Variants in ARHGEF7 observed in about 807,000 individuals in gnomAD.
ARHGEF7 encodes Rho guanine nucleotide exchange factor 7, also known as PAK-interacting exchange factor beta.
A neutral mutation model predicts 109.8 loss-of-function variants in ARHGEF7; 33 were observed. That is an observed-to-expected ratio of 0.30 (90% CI 0.23 to 0.40). The LOEUF (loss-of-function observed/expected upper bound fraction) is 0.40. Ranked by LOEUF, ARHGEF7 falls within the 10% of genes least tolerant of loss-of-function variation. ARHGEF7 has a pLI of 1.00. For missense variants in ARHGEF7, 938 were observed against 1,098.5 expected, an observed-to-expected ratio of 0.85 and a Z score of 2.07; for synonymous variants, 458 against 424.6, an observed-to-expected ratio of 1.08 and a Z score of -0.97.
chr13:111,199,055 A>G (rs1182301924), intron 2 of ARHGEF7, among the ~76,000 whole-genome samples: 1 of 152,204 alleles, frequency 6.6e-6, no homozygotes, highest in African/African-American at 2.4e-5. Flanking sequence ...CTTTAGCTAG[A>G]CAGAAAAGTT....
intron 2 of ARHGEF7, among the ~76,000 whole-genome samples, chr13:111,183,572 C>A (rs1296440836): frequency 6.6e-6 from 1 of 152,140 alleles, no homozygotes; most frequent in Non-Finnish European, 1.5e-5. Context: ...TGCATAGCAT[C>A]AAATAGTGCA....
At chr13:111,128,157 G>C (rs1235208683) in intron 1 of ARHGEF7, among the ~76,000 whole-genome samples, 1 of 152,108 alleles carries the variant, frequency 6.6e-6, no homozygotes, top group Non-Finnish European at 1.5e-5. Flanking sequence ...AACAAGACAG[G>C]GGTGTTCACT....
At chr13:111,180,237 C>T (rs1172346969) in intron 2 of ARHGEF7, among the ~76,000 whole-genome samples, 2 of 152,180 alleles carry the variant, frequency 1.3e-5, no homozygotes, top group African/African-American at 2.4e-5. Flanking sequence ...GATTCTATAA[C>T]ATTTGTGAAC....
Position 111,206,147 on chromosome 13 carries a change from G to A in ARHGEF7, c.337+774G>A, listed in dbSNP as rs185483562. ...CACGGATGTTAAATATCAGGTTTGT[G>A]GGGGAAAGTGCCGTGTCCTTTTCAA... On this transcript the variant is annotated intron_variant, in intron 3 of 21. Transcript: ENST00000646102. 5.3e-3 allele frequency among the ~76,000 whole-genome samples: 801 copies of A among 151,840 alleles called. 9 individuals are homozygous for A. The highest frequency in any genetic ancestry group is 0.018 in the African/African-American group (765 of 41,384).
At chr13:111,159,109 A>T (rs1232679019) in intron 2 of ARHGEF7, 1 of 717,430 alleles carries the variant, frequency 1.4e-6, no homozygotes, top group South Asian at 1.5e-5. Flanking sequence ...GCTTTTTTAC[A>T]CTTTACATAT....
intron 2 of ARHGEF7, among the ~76,000 whole-genome samples, chr13:111,158,790 G>A (rs1225016165): frequency 1.3e-5 from 2 of 152,168 alleles, no homozygotes; most frequent in East Asian, 3.8e-4. Flanking sequence ...TTATGTTATG[G>A]TATATGAATG....
At chr13:111,284,921 T>G (rs2092956050) in intron 16 of ARHGEF7, among the ~76,000 whole-genome samples, 1 of 152,272 alleles carries the variant, frequency 6.6e-6, no homozygotes, top group Non-Finnish European at 1.5e-5. Context: ...CATCTCAATT[T>G]GCTTCGAATT....
At chr13:111,221,503 CTATATATATAGATATATATCTATATATA>C (rs1555372693) in intron 5 of ARHGEF7, among the ~76,000 whole-genome samples, 46 of 48,100 alleles carry the variant, frequency 9.6e-4, no homozygotes, top group African/African-American at 1.9e-3. Context: ...ATATATATAT[CTATATATATAGATATATATCTATATATA>C]TCTATATATA....
chr13:111,184,752 G>A (rs79025479), intron 2 of ARHGEF7, among the ~76,000 whole-genome samples: 15,931 of 152,188 alleles, frequency 0.1, 1,141 homozygotes, highest in Middle Eastern at 0.16. Context: ...GTGAATAAAA[G>A]CCCAGTTGAC....
intron 2 of ARHGEF7, chr13:111,202,997 A>G (rs2081366982): frequency 8.8e-7 from 1 of 1,130,892 alleles, no homozygotes; most frequent in Non-Finnish European, 1.1e-6. Context: ...GTTTCAGCCA[A>G]TCAGATGCTT....
At chr13:111,208,331 C>T (rs1342428495) in intron 3 of ARHGEF7, among the ~76,000 whole-genome samples, 2 of 152,198 alleles carry the variant, frequency 1.3e-5, no homozygotes, top group Non-Finnish European at 2.9e-5. Context: ...TGAGCCACTG[C>T]GCCTGGCCTC....
At chr13:111,248,599 C>T (rs1235577349) in intron 8 of ARHGEF7, among the ~76,000 whole-genome samples, 1 of 152,128 alleles carries the variant, frequency 6.6e-6, no homozygotes, top group Non-Finnish European at 1.5e-5. Flanking sequence ...CTGCTGTGTC[C>T]TAAGTGTTCA....
At chr13:111,191,839 C>T (rs919438660) in intron 2 of ARHGEF7, among the ~76,000 whole-genome samples, 20 of 152,068 alleles carry the variant, frequency 1.3e-4, no homozygotes, top group African/African-American at 4.8e-4. Context: ...AAATTGCTGT[C>T]AGAAGGAAGG....
chr13:111,126,605 C>T (rs957124255), intron 1 of ARHGEF7, among the ~76,000 whole-genome samples: 2 of 152,048 alleles, frequency 1.3e-5, no homozygotes, highest in Non-Finnish European at 2.9e-5. Context: ...TGATAAGAGA[C>T]TAGAATGGAA....
At chr13:111,205,266 G>C in intron 2 of ARHGEF7, 23 bp from the exon 3 acceptor site, 2 of 1,580,718 alleles carry the variant, frequency 1.3e-6, no homozygotes, top group East Asian at 2.3e-5. Flanking sequence ...TACTAATTTT[G>C]CTTGTTTAAT....
chr13:111,281,028 C>T (rs2092746722), intron 15 of ARHGEF7: 1 of 173,424 alleles, frequency 5.8e-6, no homozygotes, highest in African/African-American at 2.4e-5. Context: ...TATTATGCTT[C>T]ATTTAAGAAA....
intron 2 of ARHGEF7, among the ~76,000 whole-genome samples, chr13:111,194,791 T>C (rs1295682664): frequency 6.6e-6 from 1 of 152,212 alleles, no homozygotes; most frequent in East Asian, 1.9e-4. Context: ...ACTGTCCATG[T>C]AAGTTGGGAT....
intron 1 of ARHGEF7, among the ~76,000 whole-genome samples, chr13:111,133,761 CTTTATATATATATATATATATA>C (rs1293848342): frequency 1.4e-5 from 1 of 73,356 alleles, no homozygotes; most frequent in Admixed American, 1.7e-4. Context: ...ATCTGCTTTT[CTTTATATATATATATATATATA>C]TATATATATA....
At chr13:111,115,773 G>C (rs2066694403) in intron 1 of ARHGEF7, 82 bp downstream of exon 1, 1 of 847,464 alleles carries the variant, frequency 1.2e-6, no homozygotes, top group African/African-American at 1.8e-5. Context: ...ACCTGAGGCC[G>C]GCCGCGCTCG....
Sources: gnomAD v4.1 joint callset for allele counts (sites outside exome capture counted in the v4.1 genomes callset) on GRCh38, gnomAD v4.1.1 for gene constraint, MANE v1.5 for transcripts, NCBI Gene and HGNC (gene_info 2026-07-23, HGNC 2026-07-21) for gene names.